CGNL1: variants seen among roughly 807,000 people sequenced by gnomAD.
CGNL1 encodes cingulin like 1.
In CGNL1, 132 loss-of-function variants were observed where a neutral mutation model predicts 141.2. The ratio of observed to expected loss-of-function variants is 0.93; its 90% CI spans 0.81 to 1.08. CGNL1 has a LOEUF of 1.08. Among genes scored for constraint, CGNL1 ranks in the 50% least tolerant of loss-of-function variants. The pLI is 0.00. For missense variants in CGNL1, 1,870 were observed against 1,588.6 expected (o/e 1.18, Z -3.01); for synonymous variants, 690 against 622.1 (o/e 1.11, Z -1.63).
intron 1 of CGNL1, among the ~76,000 whole-genome samples, chr15:57,422,743 C>G (rs1421653047): frequency 6.6e-6 from 1 of 152,102 alleles, no homozygotes; most frequent in African/African-American, 2.4e-5. Flanking sequence ...GGTGAGGCAC[C>G]TAGTGTCAGT....
intron 1 of CGNL1, among the ~76,000 whole-genome samples, chr15:57,433,961 T>C (rs943804152): frequency 6.8e-5 from 9 of 131,794 alleles, no homozygotes; most frequent in African/African-American, 2.5e-4. Context: ...ACTCACCAAC[T>C]AATAGTCTTC....
chr15:57,385,047 C>T (rs191669310), intron 1 of CGNL1, among the ~76,000 whole-genome samples: 34 of 152,264 alleles, frequency 2.2e-4, no homozygotes, highest in African/African-American at 7.5e-4. Flanking sequence ...AAGGGCATCC[C>T]GACACCCAGC....
At position 57,548,358 on chromosome 15, in the gene CGNL1, G is replaced by A. The variant is rs1215277427; in HGVS notation, c.*868G>A. On this transcript the variant is annotated 3_prime_UTR_variant, in exon 19 of 19. Coordinates refer to ENST00000281282, the MANE Select transcript of CGNL1 (RefSeq NM_032866.5). ...TAGATTTTAAGTGTTGAGGAGCAGAGGTGAGAAGAGAGAGAGAGAGAGAAA... is the reference window on the plus strand; with the variant it reads ...TAGATTTTAAGTGTTGAGGAGCAGAAGTGAGAAGAGAGAGAGAGAGAGAAA... The A allele has an allele frequency of 3.9e-5, 6 of 152,134 alleles. No homozygotes were observed. The highest frequency in any genetic ancestry group is 1.2e-4 in the African/African-American group (5 of 41,408). The allele number at this position is 152,134 out of a possible 1,614,324, so 9.4% of individuals were successfully genotyped here. A position where few individuals can be genotyped will look rare whatever the true frequency, so the allele number is the denominator to read the frequency against.
At chr15:57,473,147 G>A (rs1191356279) in intron 8 of CGNL1, among the ~76,000 whole-genome samples, 1 of 152,118 alleles carries the variant, frequency 6.6e-6, no homozygotes, top group Non-Finnish European at 1.5e-5. Context: ...TAAATAGCCT[G>A]GGACAGTCAC....
rs1374184930 is a variant in CGNL1 at position 57,548,040 on chromosome 15, T to G, written c.*550T>G. 7 of 151,600 alleles carry G rather than the reference T, an allele frequency of 4.6e-5. No homozygotes were observed. The highest frequency in any genetic ancestry group is 1.7e-4 in the African/African-American group (7 of 41,140). 9.4% of individuals were successfully genotyped at this position (151,600 alleles called of 1,614,324 possible). On this transcript the variant is annotated 3_prime_UTR_variant, in exon 19 of 19. Transcript: ENST00000281282. ...TTTTGAGATGGAGTTTCATTCTTGT[T>G]GCCGAGGCTGGAGTGCAATGGCGCA...
intron 8 of CGNL1, among the ~76,000 whole-genome samples, chr15:57,480,031 C>T (rs2063705945): frequency 6.6e-6 from 1 of 152,110 alleles, no homozygotes; most frequent in South Asian, 2.1e-4. Flanking sequence ...ACGGTTATCC[C>T]AAAGAGCTGT....
intron 7 of CGNL1, among the ~76,000 whole-genome samples, chr15:57,460,069 T>C (rs774942523): frequency 6.6e-6 from 1 of 152,102 alleles, no homozygotes; most frequent in Non-Finnish European, 1.5e-5. Context: ...TTGGAGATCA[T>C]CATAGATTTT....
chr15:57,376,887 C>G (rs2062369479), intron 1 of CGNL1: 1 of 152,374 alleles, frequency 6.6e-6, no homozygotes. Context: ...GACTTTCTGC[C>G]TTCGCACCCC....
At chr15:57,471,708 GA>G (rs1191225370) in intron 8 of CGNL1, among the ~76,000 whole-genome samples, 1 of 152,198 alleles carries the variant, frequency 6.6e-6, no homozygotes, top group African/African-American at 2.4e-5. Context: ...CAGTGATGAG[GA>G]AAATAGGCTC....
intron 1 of CGNL1, among the ~76,000 whole-genome samples, chr15:57,400,910 AAG>A (rs1486441654): frequency 1.3e-4 from 20 of 150,488 alleles, no homozygotes; most frequent in Admixed American, 4.6e-4. Context: ...AAAAAAAAAA[AAG>A]GCATGTTTGC....
intron 14 of CGNL1, among the ~76,000 whole-genome samples, chr15:57,543,218 A>G (rs1207300195): frequency 7.8e-6 from 1 of 127,500 alleles, no homozygotes; most frequent in African/African-American, 3.0e-5. Context: ...CCAATCCTCC[A>G]TCTCCACTTC....
intron 8 of CGNL1, among the ~76,000 whole-genome samples, chr15:57,488,801 G>C (rs1344790773): frequency 6.6e-6 from 1 of 152,208 alleles, no homozygotes; most frequent in African/African-American, 2.4e-5. Context: ...CACTAATGTG[G>C]CAAAAACAAC....
At chr15:57,377,474 T>C (rs2062377509) in intron 1 of CGNL1, among the ~76,000 whole-genome samples, 1 of 152,156 alleles carries the variant, frequency 6.6e-6, no homozygotes, top group African/African-American at 2.4e-5. Context: ...GCAGGCAAGT[T>C]TGAAAACCTC....
At chr15:57,415,027 G>A (rs1354945729) in intron 1 of CGNL1, among the ~76,000 whole-genome samples, 1 of 152,218 alleles carries the variant, frequency 6.6e-6, no homozygotes, top group Non-Finnish European at 1.5e-5. Flanking sequence ...CGGAGCAGAT[G>A]AATGGTGTCT....
intron 3 of CGNL1, among the ~76,000 whole-genome samples, 172 bp from the exon 4 acceptor site, chr15:57,442,201 A>AAAAAAAAAAAAAAAAC (rs2063197881): frequency 7.2e-6 from 1 of 138,566 alleles, no homozygotes; most frequent in Non-Finnish European, 1.6e-5. Flanking sequence ...AAAAAAAAAA[A>AAAAAAAAAAAAAAAAC]AAGACACCAT....
chr15:57,391,195 C>G (rs1190612695), intron 1 of CGNL1, among the ~76,000 whole-genome samples: 1 of 152,218 alleles, frequency 6.6e-6, no homozygotes, highest in Non-Finnish European at 1.5e-5. Context: ...TTGTCATAGT[C>G]TAGCAGAGTC....
At chr15:57,503,978 C>T (rs763909329) in intron 8 of CGNL1, among the ~76,000 whole-genome samples, 9 of 152,042 alleles carry the variant, frequency 5.9e-5, no homozygotes, top group Admixed American at 4.6e-4. Context: ...TGGGTATTCA[C>T]GGTTATTGAG....
At chr15:57,508,630 G>A (rs1265059659) in intron 8 of CGNL1, among the ~76,000 whole-genome samples, 1 of 152,244 alleles carries the variant, frequency 6.6e-6, no homozygotes, top group Admixed American at 6.5e-5. Flanking sequence ...GCGGCCTAAC[G>A]CCAAATCCCA....
chr15:57,543,635 CA>C, intron 14 of CGNL1, 60 bp from the exon 15 acceptor site: 1 of 1,435,402 alleles, frequency 7.0e-7, no homozygotes, highest in Non-Finnish European at 9.8e-7. Flanking sequence ...GCCACCATTT[CA>C]GTACAAAAGA....
Sources: allele counts gnomAD v4.1 joint callset (sites outside exome capture counted in the v4.1 genomes callset), GRCh38; gene constraint gnomAD v4.1.1; transcripts MANE v1.5; gene names NCBI Gene and HGNC (gene_info 2026-07-23, HGNC 2026-07-21).